The following TRIM44 variants were observed in gnomAD, a reference collection of about 807,000 sequenced individuals.
TRIM44 encodes tripartite motif-containing protein 44.
Under a neutral mutation model 37.4 loss-of-function variants are expected in TRIM44, and 13 were observed. The ratio of observed to expected loss-of-function variants is 0.35; its 90% CI spans 0.23 to 0.55. The LOEUF is 0.55. TRIM44 is among the 20% of genes least tolerant of loss of function. The pLI is 0.89. For missense variants in TRIM44, 426 were observed against 437.2 expected, an observed-to-expected ratio of 0.97 and a Z score of 0.23; for synonymous variants, 175 against 157.2, an observed-to-expected ratio of 1.11 and a Z score of -0.85.
chr11:35,747,800 G>A (rs985544021), intron 4 of TRIM44, among the ~76,000 whole-genome samples: 2 of 151,988 alleles, frequency 1.3e-5, no homozygotes, highest in African/African-American at 2.4e-5. Context: ...CCAAGTGGCA[G>A]GTGCAGGCCA....
chr11:35,740,957 C>G (rs1852389753), intron 4 of TRIM44, among the ~76,000 whole-genome samples: 1 of 151,992 alleles, frequency 6.6e-6, no homozygotes, highest in Non-Finnish European at 1.5e-5. Context: ...AAATGAATAA[C>G]CATATGTTCT....
At chr11:35,752,079 A>T (rs533498682) in intron 4 of TRIM44, among the ~76,000 whole-genome samples, 1 of 151,246 alleles carries the variant, frequency 6.6e-6, no homozygotes, top group East Asian at 1.9e-4. Context: ...AAATTCTTCT[A>T]CCCTTTGCCT....
chr11:35,695,299 T>A (rs1851683607), intron 2 of TRIM44, among the ~76,000 whole-genome samples: 1 of 152,218 alleles, frequency 6.6e-6, no homozygotes, highest in Non-Finnish European at 1.5e-5. Context: ...ACCAGTAGTT[T>A]CTTCAAACTA....
rs571275888 is a variant in TRIM44 at position 35,766,799 on chromosome 11, A to T, written c.1007+31354A>T. The stretch of plus-strand genomic sequence containing the variant: ...CCTCTCTTCCCTGATTCAAAAAATG[A>T]GGTTGACTTGTGCCTCACCAGCCTC... On this transcript the variant is annotated intron_variant, in intron 4 of 4. Transcript: ENST00000299413. Among the ~76,000 whole-genome samples, 23 of 152,354 alleles carry T rather than the reference A, an allele frequency of 1.5e-4. No individual in the cohort carries two copies. The East Asian group carries it at 4.0e-3, about 27-fold the overall frequency.
At chr11:35,745,579 C>A (rs1852476804) in intron 4 of TRIM44, among the ~76,000 whole-genome samples, 1 of 152,088 alleles carries the variant, frequency 6.6e-6, no homozygotes, top group Non-Finnish European at 1.5e-5. Flanking sequence ...TTACCATAGA[C>A]CAGTTGATAT....
chr11:35,669,997 A>G (rs1332428624), intron 1 of TRIM44, among the ~76,000 whole-genome samples: 1 of 149,310 alleles, frequency 6.7e-6, no homozygotes, highest in Non-Finnish European at 1.5e-5. Flanking sequence ...GATTTTTTGT[A>G]GTTTTAGTAG....
intron 2 of TRIM44, among the ~76,000 whole-genome samples, chr11:35,687,028 A>G (rs1851589961): frequency 6.6e-6 from 1 of 152,220 alleles, no homozygotes; most frequent in Non-Finnish European, 1.5e-5. Context: ...TTTATTGATA[A>G]GAACACTGAG....
Position 35,810,736 on chromosome 11 carries a change from T to C in TRIM44, c.*4351T>C, listed in dbSNP as rs541457003. The stretch of plus-strand genomic sequence containing the variant: ...GAGGGGACAGCAGATTAATACTTAA[T>C]GAGGGTTAAACCTGACCAGTCTTTC... On this transcript the variant is annotated 3_prime_UTR_variant, in exon 5 of 5. Coordinates refer to ENST00000299413, the MANE Select transcript of TRIM44 (RefSeq NM_017583.6). The C allele has an allele frequency of 6.6e-6, 1 of 152,180 alleles. No individual in the cohort carries two copies. Among genetic ancestry groups the C allele is most frequent in the African/African-American group, 2.4e-5 (1 of 41,436 alleles). 9.4% of individuals were successfully genotyped at this position (152,180 alleles called of 1,614,324 possible).
intron 2 of TRIM44, among the ~76,000 whole-genome samples, chr11:35,707,603 A>G (rs1469721797): frequency 2.7e-5 from 4 of 147,912 alleles, no homozygotes; most frequent in African/African-American, 9.7e-5. Flanking sequence ...CTCAGAAATA[A>G]CGCCGCATAT....
intron 4 of TRIM44, among the ~76,000 whole-genome samples, chr11:35,758,931 C>T (rs536434331): frequency 5.3e-5 from 8 of 152,262 alleles, no homozygotes; most frequent in African/African-American, 7.2e-5. Flanking sequence ...CTGCCCTTAA[C>T]GTTTTTTCCT....
intron 2 of TRIM44, among the ~76,000 whole-genome samples, chr11:35,710,969 A>G (rs1356201431): frequency 6.6e-6 from 1 of 152,196 alleles, no homozygotes; most frequent in Non-Finnish European, 1.5e-5. Context: ...GATTCTATCT[A>G]TATGAAATGT....
chr11:35,771,425 A>AT (rs1852868107), intron 4 of TRIM44, among the ~76,000 whole-genome samples: 4 of 152,340 alleles, frequency 2.6e-5, no homozygotes, highest in African/African-American at 9.6e-5. Flanking sequence ...CTTGGGTGCC[A>AT]TTAAAAGCAT....
At chr11:35,760,871 G>A (rs766659551) in intron 4 of TRIM44, among the ~76,000 whole-genome samples, 28 of 152,122 alleles carry the variant, frequency 1.8e-4, no homozygotes, top group South Asian at 4.1e-4. Flanking sequence ...TGTAGTCACC[G>A]TGCAATTGAT....
In TRIM44 at chr11:35,791,295, G is replaced by A. The variant is rs150137641; in HGVS notation, c.1008-15063G>A. On this transcript the variant is annotated intron_variant, in intron 4 of 4. Coordinates refer to ENST00000299413, the MANE Select transcript of TRIM44 (RefSeq NM_017583.6). Reference sequence around the variant, plus strand: ...GTAGGCTTTATATTGAGTTACCACTGGGTGTTTGTTTTTCTTTTTTTCCTG... The same window carrying A: ...GTAGGCTTTATATTGAGTTACCACTAGGTGTTTGTTTTTCTTTTTTTCCTG... Among the ~76,000 whole-genome samples the A allele has an allele frequency of 4.8e-4, 73 of 152,272 alleles. 1 individual carries two copies. The East Asian group carries it at 0.014, about 29-fold the overall frequency.
At chr11:35,740,142 ATT>A (rs57692958) in intron 4 of TRIM44, among the ~76,000 whole-genome samples, 1,275 of 126,788 alleles carry the variant, frequency 0.01, 19 homozygotes, top group African/African-American at 0.036. Context: ...GCCCAGAGTG[ATT>A]TTTTTTTTTT....
intron 4 of TRIM44, among the ~76,000 whole-genome samples, chr11:35,805,708 C>G (rs559270808): frequency 1.3e-4 from 20 of 152,310 alleles, no homozygotes; most frequent in Non-Finnish European, 2.6e-4. Context: ...TAAAGTGTTG[C>G]TATTCTTATA....
chr11:35,791,874 A>G (rs1285617109), intron 4 of TRIM44, among the ~76,000 whole-genome samples: 7 of 152,202 alleles, frequency 4.6e-5, no homozygotes, highest in Non-Finnish European at 8.8e-5. Context: ...CATCACTGGC[A>G]TGTATTTGGG....
rs895767420 is a variant in TRIM44, at chr11:35,793,025, A to G, written c.1008-13333A>G. 4.6e-5 allele frequency among the ~76,000 whole-genome samples: 7 copies of G among 152,280 alleles called. No homozygotes were observed. The South Asian group carries it at 6.2e-4, about 14-fold the overall frequency. ...CCCAACGAGATTCTGTCCTAAGTTC[A>G]GGGGAACAGGTTTTGGTGGCAGGCC... On this transcript the variant is annotated intron_variant, in intron 4 of 4. Transcript: ENST00000299413.
At position 35,730,970 on chromosome 11, in the gene TRIM44, ATTAG is replaced by A. The variant is rs1488044756; in HGVS notation, c.988-4452_988-4449del. Among the ~76,000 whole-genome samples, 5 of 149,980 alleles carry A rather than the reference ATTAG, an allele frequency of 3.3e-5. No homozygotes were observed. The East Asian group carries it at 5.9e-4, about 18-fold the overall frequency. ...TCTTGTAACCTTGTCACATTCACCTATTAGTTATAATAGTGGCTTTATAGATTCT... is the reference window on the plus strand; with the variant it reads ...TCTTGTAACCTTGTCACATTCACCTATTATAATAGTGGCTTTATAGATTCT... On this transcript the variant is annotated intron_variant, in intron 3 of 4. Transcript: ENST00000299413.
Sources: gnomAD v4.1 joint callset for allele counts (sites outside exome capture counted in the v4.1 genomes callset) on GRCh38, gnomAD v4.1.1 for gene constraint, MANE v1.5 for transcripts, NCBI Gene and HGNC (gene_info 2026-07-23, HGNC 2026-07-21) for gene names.